EXT1: variants seen among roughly 807,000 people sequenced by gnomAD.
EXT1 encodes the protein exostosin-1.
EXT1 carries 20 observed loss-of-function variants against 82.5 expected under a neutral mutation model. The observed-to-expected ratio is 0.24, with a 90% CI of 0.17 to 0.35. EXT1 has a LOEUF of 0.35. EXT1 is among the 10% of genes least tolerant of loss of function. EXT1 has a pLI of 1.00. For synonymous variants in EXT1, 348 were observed against 350.8 expected (o/e 0.99, Z 0.09); for missense variants, 757 against 936.5 (o/e 0.81, Z 2.50).
At chr8:117,815,031 TTTG>T (rs1373983579) in intron 7 of EXT1, among the ~76,000 whole-genome samples, 3 of 152,182 alleles carry the variant, frequency 2.0e-5, no homozygotes, top group African/African-American at 7.2e-5. Flanking sequence ...GGTCAAGTTT[TTTG>T]TTGTTGTTGT....
intron 1 of EXT1, among the ~76,000 whole-genome samples, chr8:117,887,067 C>T (rs992119487): frequency 6.6e-6 from 1 of 152,166 alleles, no homozygotes; most frequent in Non-Finnish European, 1.5e-5. Context: ...ACGATATAGC[C>T]TCTGTTTAAC....
At chr8:118,046,497 G>A (rs1357343876) in intron 1 of EXT1, among the ~76,000 whole-genome samples, 1 of 152,140 alleles carries the variant, frequency 6.6e-6, no homozygotes, top group Non-Finnish European at 1.5e-5. Flanking sequence ...TCAAGCACTG[G>A]CCAGAGTTCT....
At chr8:118,039,747 G>C (rs1188291318) in intron 1 of EXT1, among the ~76,000 whole-genome samples, 4 of 152,072 alleles carry the variant, frequency 2.6e-5, no homozygotes, top group African/African-American at 9.6e-5. Context: ...TATGAGTGAA[G>C]GTGAAAGGGT....
chr8:118,083,835 C>A (rs1413201354), intron 1 of EXT1, among the ~76,000 whole-genome samples: 1 of 152,134 alleles, frequency 6.6e-6, no homozygotes, highest in African/African-American at 2.4e-5. Flanking sequence ...CGAGACCAGC[C>A]TGGCCAACAT....
chr8:117,869,827 C>T (rs948286502), intron 1 of EXT1, among the ~76,000 whole-genome samples: 5 of 152,128 alleles, frequency 3.3e-5, no homozygotes, highest in African/African-American at 1.2e-4. Flanking sequence ...CACACACTCA[C>T]ACATATATAT....
chr8:117,883,898 A>G (rs1015493142), intron 1 of EXT1, among the ~76,000 whole-genome samples: 1 of 152,204 alleles, frequency 6.6e-6, no homozygotes, highest in African/African-American at 2.4e-5. Context: ...CTGTAAGAAG[A>G]CTTCAAAGTT....
intron 1 of EXT1, among the ~76,000 whole-genome samples, chr8:118,005,528 G>A (rs1174050803): frequency 2.6e-5 from 4 of 152,128 alleles, no homozygotes; most frequent in Non-Finnish European, 4.4e-5. Flanking sequence ...CAACTCTATC[G>A]GATATGAATT....
chr8:117,978,434 T>C (rs1815113868), intron 1 of EXT1, among the ~76,000 whole-genome samples: 1 of 152,190 alleles, frequency 6.6e-6, no homozygotes, highest in Admixed American at 6.5e-5. Context: ...ATCATCTCTT[T>C]GGAATCCAGA....
intron 1 of EXT1, among the ~76,000 whole-genome samples, chr8:118,030,020 A>G (rs1362710079): frequency 6.6e-6 from 1 of 152,218 alleles, no homozygotes; most frequent in African/African-American, 2.4e-5. Flanking sequence ...CTTGAGAATG[A>G]TATTTATCCA....
At chr8:117,963,839 T>C (rs148732659) in intron 1 of EXT1, among the ~76,000 whole-genome samples, 1 of 152,246 alleles carries the variant, frequency 6.6e-6, no homozygotes, top group East Asian at 1.9e-4. Flanking sequence ...AGTAACACCC[T>C]ATCTCTAAAA....
chr8:117,912,233 T>C (rs1280466123), intron 1 of EXT1, among the ~76,000 whole-genome samples: 1 of 152,190 alleles, frequency 6.6e-6, no homozygotes, highest in Non-Finnish European at 1.5e-5. Flanking sequence ...TACTAAAGAA[T>C]ACTGCTTAGA....
intron 1 of EXT1, among the ~76,000 whole-genome samples, chr8:117,977,391 T>TAAAA (rs34970501): frequency 3.1e-5 from 4 of 128,960 alleles, no homozygotes; most frequent in Admixed American, 8.1e-5. Flanking sequence ...TGTCTCAAAA[T>TAAAA]AAAAAAAAAA....
intron 1 of EXT1, among the ~76,000 whole-genome samples, chr8:117,874,827 G>C (rs1812939089): frequency 1.3e-5 from 2 of 152,162 alleles, no homozygotes; most frequent in Admixed American, 6.5e-5. Flanking sequence ...AGATACAGGT[G>C]ACTGCATCTT....
At chr8:118,015,700 C>G (rs1007112100) in intron 1 of EXT1, among the ~76,000 whole-genome samples, 1 of 152,172 alleles carries the variant, frequency 6.6e-6, no homozygotes, top group African/African-American at 2.4e-5. Flanking sequence ...TGAACTGTGT[C>G]TCCCAAAAAG....
chr8:117,853,557 A>T (rs1208547374), intron 1 of EXT1, among the ~76,000 whole-genome samples: 1 of 152,184 alleles, frequency 6.6e-6, no homozygotes, highest in Non-Finnish European at 1.5e-5. Context: ...AACTAAGGCA[A>T]CGGACATTGA....
chr8:118,089,004 C>A (rs1309306787), intron 1 of EXT1, among the ~76,000 whole-genome samples: 1 of 152,118 alleles, frequency 6.6e-6, no homozygotes, highest in Non-Finnish European at 1.5e-5. Flanking sequence ...TCAAGGAGAA[C>A]GTGTGTTATT....
At chr8:118,014,312 T>C (rs928263668) in intron 1 of EXT1, among the ~76,000 whole-genome samples, 1 of 152,194 alleles carries the variant, frequency 6.6e-6, no homozygotes, top group Non-Finnish European at 1.5e-5. Context: ...TTTCTTTGGG[T>C]CTGCAAAATA....
At chr8:117,912,643 C>T (rs931713779) in intron 1 of EXT1, among the ~76,000 whole-genome samples, 9 of 152,100 alleles carry the variant, frequency 5.9e-5, no homozygotes, top group Admixed American at 2.0e-4. Context: ...CAAGGAGGAG[C>T]GACAAAGTGT....
In EXT1 at chr8:118,002,295, C is replaced by T. The variant is rs972961319; in HGVS notation, c.962+107790G>A. On this transcript the variant is annotated intron_variant, in intron 1 of 10. Transcript: ENST00000378204. ...TTGTGGGAGGCTGAGACAGGAGAACCGCTTGAGCCTGGGAGGCAGAGGTTG... is the reference window on the plus strand; with the variant it reads ...TTGTGGGAGGCTGAGACAGGAGAACTGCTTGAGCCTGGGAGGCAGAGGTTG... Among the ~76,000 whole-genome samples the T allele has an allele frequency of 2.0e-5, 3 of 149,388 alleles. No homozygotes were observed. The Admixed American group carries it at 2.0e-4, about 10-fold the overall frequency.
Sources: gnomAD v4.1 joint callset for allele counts (sites outside exome capture counted in the v4.1 genomes callset) on GRCh38, gnomAD v4.1.1 for gene constraint, MANE v1.5 for transcripts, NCBI Gene and HGNC (gene_info 2026-07-23, HGNC 2026-07-21) for gene names.